Variants in SLC25A12 observed in about 807,000 individuals in gnomAD.
The protein encoded by SLC25A12 is solute carrier family 25 member 12, also known as electrogenic aspartate/glutamate antiporter SLC25A12, mitochondrial.
In SLC25A12, 32 loss-of-function variants were observed where a neutral mutation model predicts 83.3. The observed-to-expected ratio is 0.38, with a 90% CI of 0.29 to 0.52. The LOEUF is 0.52. SLC25A12 is among the 20% of genes least tolerant of loss of function. SLC25A12 has a pLI of 0.84. For missense variants in SLC25A12, 611 were observed against 835.6 expected (o/e 0.73, Z 3.31); for synonymous variants, 267 against 291.1 (o/e 0.92, Z 0.84).
At chr2:171,869,780 G>A (rs1685419779) in intron 2 of SLC25A12, among the ~76,000 whole-genome samples, 2 of 152,150 alleles carry the variant, frequency 1.3e-5, no homozygotes, top group East Asian at 1.9e-4. Flanking sequence ...CAGAACTGAA[G>A]AATACAAGGG....
chr2:171,802,231 C>A (rs1683722902), intron 13 of SLC25A12, among the ~76,000 whole-genome samples: 1 of 152,140 alleles, frequency 6.6e-6, no homozygotes, highest in African/African-American at 2.4e-5. Context: ...GCCTTGAACT[C>A]CTAGGCTCAA....
intron 4 of SLC25A12, among the ~76,000 whole-genome samples, chr2:171,846,740 A>G (rs1330873727): frequency 6.6e-6 from 1 of 152,182 alleles, no homozygotes; most frequent in Admixed American, 6.5e-5. Context: ...CGGGAGGCGG[A>G]GGTTGCAGTG....
intron 3 of SLC25A12, among the ~76,000 whole-genome samples, chr2:171,860,351 C>T (rs992633229): frequency 4.6e-5 from 7 of 151,324 alleles, no homozygotes; most frequent in African/African-American, 1.5e-4. Flanking sequence ...GAGGCTGAGG[C>T]GGGTGGATCA....
chr2:171,868,863 CA>C (rs1685401664), intron 2 of SLC25A12, 40 bp from the exon 3 acceptor site: 1 of 1,517,848 alleles, frequency 6.6e-7, no homozygotes, highest in African/African-American at 1.4e-5. Context: ...AAAAATTATC[CA>C]ATATCATTTT....
In SLC25A12 at chr2:171,893,236, T is replaced by G. The variant is rs150071586; in HGVS notation, c.35A>C (p.Asp12Ala). 13 of 1,614,024 alleles carry G rather than the reference T, an allele frequency of 8.1e-6. No individual in the cohort carries two copies. The East Asian group carries it at 1.6e-4, about 19-fold the overall frequency. ...AVKVQTTKRG[D>A]PHELRNIFLQ... ...AAATATGTTTCTTAACTCATGAGGA[T>G]CCCCTCGCTTAGTTGTCTGCACCTG... Residue 12 changes from aspartate to alanine, a missense_variant, in exon 2 of 18, where the codon GAT becomes GCT. Coordinates refer to ENST00000422440, the MANE Select transcript of SLC25A12 (RefSeq NM_003705.5).
At chr2:171,856,034 G>A (rs1375103343) in intron 3 of SLC25A12, 85 bp from the exon 4 acceptor site, 8 of 805,972 alleles carry the variant, frequency 9.9e-6, no homozygotes, top group African/African-American at 1.7e-5. Context: ...ATAAACTGTA[G>A]CTCAGGGTAA....
chr2:171,859,856 C>T (rs915431368), intron 3 of SLC25A12, among the ~76,000 whole-genome samples: 1 of 152,086 alleles, frequency 6.6e-6, no homozygotes, highest in Non-Finnish European at 1.5e-5. Flanking sequence ...CCGCCTCCAC[C>T]TCCTGGATTC....
chr2:171,887,903 T>C (rs149900536), intron 2 of SLC25A12, among the ~76,000 whole-genome samples: 10 of 152,200 alleles, frequency 6.6e-5, no homozygotes, highest in African/African-American at 2.4e-4. Context: ...TTTTAACTAA[T>C]AGAAACATAG....
chr2:171,870,877 G>A (rs1685443018), intron 2 of SLC25A12, among the ~76,000 whole-genome samples: 1 of 152,090 alleles, frequency 6.6e-6, no homozygotes, highest in Non-Finnish European at 1.5e-5. Context: ...CTCCATTTGT[G>A]GATCTGACTA....
intron 4 of SLC25A12, chr2:171,845,593 T>C (rs1372645716): frequency 1.8e-5 from 3 of 163,028 alleles, no homozygotes; most frequent in African/African-American, 7.2e-5. Flanking sequence ...TGCAAATTCT[T>C]TAAATAAGAT....
At position 171,800,027 on chromosome 2, in the gene SLC25A12, T is replaced by TA. The variant is rs925878975; in HGVS notation, c.1306-6261dup. Among the ~76,000 whole-genome samples, 37 of 152,346 alleles carry TA rather than the reference T, an allele frequency of 2.4e-4. 2 individuals are homozygous for TA. Among genetic ancestry groups the TA allele is most frequent in the African/African-American group, 8.4e-4 (35 of 41,580 alleles). ...ACCAAAGAGACCATTAGAAAGTACC[T>TA]AAAGGTTAGTCCATTTAGATTTTTT... On this transcript the variant is annotated intron_variant, in intron 13 of 17. Transcript: ENST00000422440.
chr2:171,870,534 T>C (rs1055514742), intron 2 of SLC25A12, among the ~76,000 whole-genome samples: 2 of 152,098 alleles, frequency 1.3e-5, no homozygotes, highest in Admixed American at 6.6e-5. Context: ...GCTGGGAGGA[T>C]TGCTTGAGCC....
intron 9 of SLC25A12, among the ~76,000 whole-genome samples, chr2:171,819,798 CA>C (rs1206727147): frequency 6.6e-6 from 1 of 151,958 alleles, no homozygotes; most frequent in Non-Finnish European, 1.5e-5. Flanking sequence ...AGAAGGTCCA[CA>C]GAAATGCAAA....
chr2:171,870,452 T>A (rs1310266957), intron 2 of SLC25A12, among the ~76,000 whole-genome samples: 1 of 152,012 alleles, frequency 6.6e-6, no homozygotes, highest in South Asian at 2.1e-4. Flanking sequence ...CAAAACCCCA[T>A]CTCTACAAAA....
At chr2:171,811,310 C>T (rs1489816648) in intron 11 of SLC25A12, among the ~76,000 whole-genome samples, 1 of 152,154 alleles carries the variant, frequency 6.6e-6, no homozygotes, top group South Asian at 2.1e-4. Context: ...CACAAAGCCT[C>T]ACACACCTTT....
intron 1 of SLC25A12, among the ~76,000 whole-genome samples, chr2:171,893,570 C>G (rs552246538): frequency 2.6e-5 from 4 of 152,304 alleles, no homozygotes; most frequent in African/African-American, 9.6e-5. Context: ...AGTAACCACC[C>G]ACCTTCAAAT....
intron 3 of SLC25A12, among the ~76,000 whole-genome samples, chr2:171,857,360 A>G (rs1471367848): frequency 6.7e-6 from 1 of 148,702 alleles, no homozygotes; most frequent in African/African-American, 2.5e-5. Flanking sequence ...GACAGACCAG[A>G]CTCTGTCTCA....
At chr2:171,848,400 A>G (rs779336588) in intron 4 of SLC25A12, 1 of 399,702 alleles carries the variant, frequency 2.5e-6, no homozygotes, top group Non-Finnish European at 5.2e-6. Context: ...CTTGAGACCA[A>G]ACATTCTTAT....
intron 3 of SLC25A12, among the ~76,000 whole-genome samples, chr2:171,867,314 T>A (rs113943367): frequency 0.016 from 2,331 of 150,156 alleles, 31 homozygotes; most frequent in Non-Finnish European, 0.026. Context: ...CGAGCCGAGA[T>A]CACACCACTG....
Sources: allele counts gnomAD v4.1 joint callset (sites outside exome capture counted in the v4.1 genomes callset), GRCh38; gene constraint gnomAD v4.1.1; transcripts MANE v1.5; gene names NCBI Gene and HGNC (gene_info 2026-07-23, HGNC 2026-07-21).